The following SIGLEC1 variants were observed in gnomAD, a reference collection of about 807,000 sequenced individuals.
The protein encoded by SIGLEC1 is sialic acid binding Ig like lectin 1.
SIGLEC1 carries 132 observed loss-of-function variants against 148.0 expected under a neutral mutation model. That is an observed-to-expected ratio of 0.89 (90% CI 0.77 to 1.03). The LOEUF is 1.03. SIGLEC1 is among the 50% of genes least tolerant of loss of function. The probability of loss-of-function intolerance (pLI) is 0.00; values close to 1 mark genes in which losing one functional copy is unlikely to be tolerated. For synonymous variants in SIGLEC1, 945 were observed against 969.0 expected (o/e 0.98, Z 0.46); for missense variants, 2,253 against 2,271.4 (o/e 0.99, Z 0.16).
intron 1 of SIGLEC1, among the ~76,000 whole-genome samples, chr20:3,709,377 C>T (rs537339138): frequency 2.6e-5 from 4 of 152,318 alleles, no homozygotes; most frequent in African/African-American, 7.2e-5. Context: ...GATACCACTT[C>T]ACATCCGTTA....
At chr20:3,699,617 G>A (rs2087833901) in intron 7 of SIGLEC1, among the ~76,000 whole-genome samples, 158 bp from the exon 8 acceptor site, 1 of 152,170 alleles carries the variant, frequency 6.6e-6, no homozygotes, top group African/African-American at 2.4e-5. Context: ...TGCCAAATCA[G>A]ATCTATTGGT....
chr20:3,689,341 G>A (rs2088731573), intron 20 of SIGLEC1, 114 bp from the exon 21 acceptor site: 1 of 910,354 alleles, frequency 1.1e-6, no homozygotes, highest in Non-Finnish European at 1.8e-6. Flanking sequence ...GAACCTCATG[G>A]AGAGTGGGTG....
intron 1 of SIGLEC1, among the ~76,000 whole-genome samples, 102 bp downstream of exon 1, chr20:3,712,368 C>CT (rs1424814416): frequency 1.3e-5 from 2 of 151,306 alleles, no homozygotes; most frequent in African/African-American, 2.4e-5. Flanking sequence ...AGATGGAGCC[C>CT]CCCCCCGACC....
chr20:3,698,674 A>T (rs1169865120), intron 8 of SIGLEC1, among the ~76,000 whole-genome samples: 1 of 152,232 alleles, frequency 6.6e-6, no homozygotes, highest in African/African-American at 2.4e-5. Flanking sequence ...TCTCACTCAG[A>T]CACCAGAAAA....
At chr20:3,697,689 G>A in intron 9 of SIGLEC1, 109 bp downstream of exon 9, 1 of 978,202 alleles carries the variant, frequency 1.0e-6, no homozygotes, top group Non-Finnish European at 1.5e-6. Flanking sequence ...GCAGCGAAGG[G>A]CCCCCACTGC....
At position 3,692,174 on chromosome 20, in the gene SIGLEC1, G is replaced by A. The variant is rs761144009; in HGVS notation, c.4059C>T (p.Ser1353=). The change falls in exon 17 of 22, where the codon TCC becomes TCT. Residue 1353 remains serine (S), a synonymous_variant. Transcript: ENST00000344754. The part of the protein sequence containing the change: ...LYAPQDAVLS[S]FRDSRARSMA... ...TGGATCTGGCCCTGGAGTCCCGGAA[G>A]GAGGACAGGACAGCGTCCTGAGGGG... 2 of 1,572,986 alleles carry A rather than the reference G, an allele frequency of 1.3e-6. No homozygotes were observed. Among genetic ancestry groups the A allele is most frequent in the Non-Finnish European group, 1.7e-6 (2 of 1,158,106 alleles).
intron 11 of SIGLEC1, among the ~76,000 whole-genome samples, chr20:3,695,276 G>A (rs1404561985): frequency 6.6e-6 from 1 of 152,202 alleles, no homozygotes; most frequent in Non-Finnish European, 1.5e-5. Flanking sequence ...ACAAATGTTG[G>A]TTCAACCCAT....
Position 3,701,337 on chromosome 20 carries a change from C to T in SIGLEC1, c.1528+5G>A, listed in dbSNP as rs745474421. On this transcript the variant is annotated splice_donor_5th_base_variant and intron_variant, in intron 7 of 21. Coordinates refer to ENST00000344754, the MANE Select transcript of SIGLEC1 (RefSeq NM_023068.4). ...ACTCTCCCTGGCTGCCAGTGCCCAT[C>T]TTACCATTGGCATGGAAGTCCAGGG... 5.0e-6 allele frequency: 8 copies of T among 1,601,110 alleles called. No homozygotes were observed. The East Asian group carries it at 1.8e-4, about 36-fold the overall frequency.
In SIGLEC1 at chr20:3,688,590, C is replaced by T; in HGVS notation, c.5100G>A (p.Glu1700=). The change falls in exon 22 of 22, where the codon GAG becomes GAA. Residue 1700 remains glutamate, a synonymous_variant. Coordinates refer to ENST00000344754, the MANE Select transcript of SIGLEC1 (RefSeq NM_023068.4). ...QLIDPDAATC[E]TSTCAPPLG ...CCAGGGGTGGGGCACAGGTTGAGGT[C>T]TCACATGTGGCTGCATCAGGATCAA... The T allele has an allele frequency of 1.2e-6, 2 of 1,603,054 alleles. No homozygotes were observed. The highest frequency in any genetic ancestry group is 1.7e-6 in the Non-Finnish European group (2 of 1,174,588).
In SIGLEC1 at chr20:3,698,126, A is replaced by AG. The variant is rs745316811; in HGVS notation, c.1793dup (p.Arg599SerfsTer12). 1.7e-5 allele frequency: 27 copies of AG among 1,593,936 alleles called. No homozygotes were observed. Among genetic ancestry groups the AG allele is most frequent in the Non-Finnish European group, 2.1e-5 (25 of 1,172,790 alleles). ...GCCTGGTGGTGAATGTTGGTTGTCG[A>AG]GGGGGGTCTGCAGGGAGGAAGAACA... On this transcript the variant is annotated frameshift_variant, in exon 9 of 22. Coordinates refer to ENST00000344754, the MANE Select transcript of SIGLEC1 (RefSeq NM_023068.4). LOFTEE classifies it high-confidence loss of function.
In SIGLEC1 at chr20:3,706,527, T is replaced by TG. The variant is rs1178469440; in HGVS notation, c.228dup (p.Lys77GlnfsTer45). The TG allele has an allele frequency of 6.2e-7, 1 of 1,613,020 alleles. No individual in the cohort carries two copies. The highest frequency in any genetic ancestry group is 1.1e-5 in the South Asian group (1 of 91,082). On this transcript the variant is annotated frameshift_variant, in exon 3 of 22. Coordinates refer to ENST00000344754, the MANE Select transcript of SIGLEC1 (RefSeq NM_023068.4). LOFTEE classifies it high-confidence loss of function. ...CCGCGGAAGCGGGCCTCCACCAGCT[T>TG]GGGGTCCGCCGAGTGGCTCACCACC...
Position 3,699,108 on chromosome 20 carries a change from C to T in SIGLEC1, c.1786+94G>A, listed in dbSNP as rs546520141. On this transcript the variant is annotated intron_variant, in intron 8 of 21. Coordinates refer to ENST00000344754, the MANE Select transcript of SIGLEC1 (RefSeq NM_023068.4). ...GTGACCCAGCCCTCCCGATATAGAC[C>T]GTGGGGCAGGGCAGGACAGGGCTGG... The T allele has an allele frequency of 7.7e-6, 11 of 1,433,152 alleles. No homozygotes were observed. The East Asian group carries it at 1.5e-4, about 19-fold the overall frequency. 88.8% of individuals were successfully genotyped at this position (1,433,152 alleles called of 1,614,324 possible).
chr20:3,703,860 G>T lies in SIGLEC1; in HGVS notation c.938C>A (p.Ser313Tyr). The T allele has an allele frequency of 6.2e-7, 1 of 1,614,086 alleles. No individual in the cohort carries two copies. The highest frequency in any genetic ancestry group is 8.5e-7 in the Non-Finnish European group (1 of 1,180,020). ...YTCQAENGVG[S>Y]LVSPPISLHI... Reference sequence around the variant, plus strand: ...GAGGCTGATGGGGGGTGAGACCAAAGAGCCCACGCCGTTCTCAGCTTGGCA... The same window carrying T: ...GAGGCTGATGGGGGGTGAGACCAAATAGCCCACGCCGTTCTCAGCTTGGCA... Residue 313 changes from serine to tyrosine, a missense_variant, in exon 5 of 22, where the codon TCT (serine) becomes TAT (tyrosine). Transcript: ENST00000344754.
In SIGLEC1 at chr20:3,690,184, T is replaced by C; in HGVS notation, c.4672A>G (p.Ser1558Gly). ...AGAGTCAGGCTGGCGAGCGGCTCGCTGTCCACTCGGCAATCCAGGATGCCC... is the reference window on the plus strand; with the variant it reads ...AGAGTCAGGCTGGCGAGCGGCTCGCCGTCCACTCGGCAATCCAGGATGCCC... ...LRGILDCRVD[S>G]EPLASLTLHL... The change falls in exon 19 of 22, where the codon AGC becomes GGC. Residue 1558 changes from serine (S) to glycine (G), a missense_variant. Ser to Gly is a moderately conservative substitution (Grantham distance 56). Coordinates refer to ENST00000344754, the MANE Select transcript of SIGLEC1 (RefSeq NM_023068.4). 1.3e-6 allele frequency: 2 copies of C among 1,570,574 alleles called. No individual in the cohort carries two copies. The highest frequency in any genetic ancestry group is 1.7e-6 in the Non-Finnish European group (2 of 1,158,884).
At chr20:3,711,157 C>A (rs1049887127) in intron 1 of SIGLEC1, among the ~76,000 whole-genome samples, 4 of 152,232 alleles carry the variant, frequency 2.6e-5, no homozygotes, top group African/African-American at 9.6e-5. Flanking sequence ...AGCCCTGAAC[C>A]ATCCCTCCCT....
At chr20:3,695,684 C>T (rs555256829) in intron 11 of SIGLEC1, among the ~76,000 whole-genome samples, 113 of 152,330 alleles carry the variant, frequency 7.4e-4, no homozygotes, top group African/African-American at 2.6e-3. Flanking sequence ...AAAAGATACA[C>T]AGAACCAAGG....
rs1444290209 is a variant in SIGLEC1 at position 3,705,994 on chromosome 20, C to T, written c.456G>A (p.Glu152=). 1 of 1,613,904 alleles carries T rather than the reference C, an allele frequency of 6.2e-7. No individual in the cohort carries two copies. Among genetic ancestry groups the T allele is most frequent in the South Asian group, 1.1e-5 (1 of 91,088 alleles). ...AGCAGTTGAAGTCCACCTCTGTGCC[C>T]TCGAGAAGCTCCACCGGGGAGGCAA... The part of the protein sequence containing the change: ...PTIASPVELL[E]GTEVDFNCST... Residue 152 remains glutamate, a synonymous_variant, in exon 4 of 22, where the codon GAG becomes GAA. Transcript: ENST00000344754.
Position 3,694,947 on chromosome 20 carries a change from G to T in SIGLEC1, c.2684-24C>A, listed in dbSNP as rs745426037. 4.3e-5 allele frequency: 68 copies of T among 1,598,852 alleles called. No individual in the cohort carries two copies. The Admixed American group carries it at 1.1e-3, about 26-fold the overall frequency. ...TCCTGCAGGGGAAAACCAAGAGCAG[G>T]TGAGGGCTCTCCACCACACCTCTCA... On this transcript the variant is annotated intron_variant, in intron 11 of 21. Coordinates refer to ENST00000344754, the MANE Select transcript of SIGLEC1 (RefSeq NM_023068.4).
chr20:3,703,475 C>T, intron 5 of SIGLEC1, 24 bp from the exon 6 acceptor site: 1 of 1,544,422 alleles, frequency 6.5e-7, no homozygotes, highest in Non-Finnish European at 8.7e-7. Flanking sequence ...ATAGGGAGTG[C>T]TGGGGGGTCC....
Sources: gnomAD v4.1 joint callset for allele counts (sites outside exome capture counted in the v4.1 genomes callset) on GRCh38, gnomAD v4.1.1 for gene constraint, MANE v1.5 for transcripts, NCBI Gene and HGNC (gene_info 2026-07-23, HGNC 2026-07-21) for gene names.